MEGF6: variants seen among roughly 807,000 people sequenced by gnomAD.
The protein encoded by MEGF6 is multiple EGF like domains 6, also known as multiple epidermal growth factor-like domains protein 6.
In MEGF6, 184 loss-of-function variants were observed where a neutral mutation model predicts 207.1. The observed-to-expected ratio is 0.89, with a 90% CI of 0.79 to 1.00. MEGF6 has a LOEUF of 1.00. Ranked by LOEUF, MEGF6 falls within the 50% of genes least tolerant of loss-of-function variation. The pLI is 0.00. For synonymous variants in MEGF6, 1,038 were observed against 910.0 expected, an observed-to-expected ratio of 1.14 and a Z score of -2.53; for missense variants, 2,282 against 2,202.9, an observed-to-expected ratio of 1.04 and a Z score of -0.72.
intron 26 of MEGF6, among the ~76,000 whole-genome samples, chr1:3,497,852 C>T (rs1301266741): frequency 6.6e-6 from 1 of 152,218 alleles, no homozygotes; most frequent in Non-Finnish European, 1.5e-5. Flanking sequence ...GACGGCGCCT[C>T]TGCTGGAAGG....
intron 1 of MEGF6, among the ~76,000 whole-genome samples, chr1:3,609,385 C>T (rs943659834): frequency 1.3e-5 from 2 of 152,224 alleles, no homozygotes; most frequent in Non-Finnish European, 1.5e-5. Flanking sequence ...CGTCCAGGCA[C>T]GTGCCAGGTG....
At chr1:3,612,825 G>C (rs10909987), upstream of MEGF6, among the ~76,000 whole-genome samples, 83,816 of 152,050 alleles carry the variant, frequency 0.55, 25,463 homozygotes, top group Non-Finnish European at 0.68. Flanking sequence ...CAGGCTGTCT[G>C]TGCCTCCACA....
In MEGF6 at chr1:3,494,412, C is replaced by G; in HGVS notation, c.4088G>C (p.Cys1363Ser). Residue 1363 changes from cysteine to serine, a missense_variant, in exon 32 of 37, where the codon TGC becomes TCC. By Grantham distance (112) the Cys-to-Ser change is moderately radical. Coordinates refer to ENST00000356575, the MANE Select transcript of MEGF6 (RefSeq NM_001409.4). ...NSTCEPATGT[C>S]RCGPGFYGQA... ...GCCATAGAAGCCGGGGCCGCAGCGG[C>G]AGGTGCCCGTGGCAGGCTCACACGT... is the stretch of plus-strand genomic sequence containing the variant. 1 of 1,547,536 alleles carries G rather than the reference C, an allele frequency of 6.5e-7. No homozygotes were observed. Among genetic ancestry groups the G allele is most frequent in the Non-Finnish European group, 8.7e-7 (1 of 1,151,348 alleles).
At chr1:3,595,492 G>C (rs961065762) in intron 2 of MEGF6, 45 bp from the exon 3 acceptor site, 1 of 1,506,000 alleles carries the variant, frequency 6.6e-7, no homozygotes, top group African/African-American at 1.4e-5. Context: ...CGCGGGACTG[G>C]CTGTATTCGG....
At chr1:3,548,836 G>A (rs532079272) in intron 4 of MEGF6, among the ~76,000 whole-genome samples, 23 of 152,288 alleles carry the variant, frequency 1.5e-4, no homozygotes, top group African/African-American at 4.8e-4. Context: ...TAGGCTCCAC[G>A]GGGAAAGGAG....
At chr1:3,563,430 G>A (rs373565252) in intron 4 of MEGF6, among the ~76,000 whole-genome samples, 47 of 152,276 alleles carry the variant, frequency 3.1e-4, no homozygotes, top group African/African-American at 1.0e-3. Context: ...CCGTCCCCTC[G>A]TCGTAGCTGG....
intron 13 of MEGF6, among the ~76,000 whole-genome samples, 176 bp downstream of exon 13, chr1:3,508,382 A>C (rs1279193715): frequency 1.3e-5 from 2 of 152,188 alleles, no homozygotes; most frequent in Non-Finnish European, 2.9e-5. Flanking sequence ...TAGAGTGGAC[A>C]GTCAGGGGAT....
In MEGF6 at chr1:3,573,207, C is replaced by A. The variant is rs114941849; in HGVS notation, c.481+6618G>T. Among the ~76,000 whole-genome samples the A allele has an allele frequency of 4.9e-3, 705 of 143,736 alleles. 10 individuals carry two copies. Among genetic ancestry groups the A allele is most frequent in the African/African-American group, 0.017 (655 of 38,590 alleles). 94.3% of individuals were successfully genotyped at this position (143,736 alleles called of 152,430 possible). ...ATGCTGGGTCCTCCTGCGTGTGCTG[C>A]GTCCTTCCTGTGTGTGCTGGGTTCC... is the stretch of plus-strand genomic sequence containing the variant. On this transcript the variant is annotated intron_variant, in intron 4 of 36. Coordinates refer to ENST00000356575, the MANE Select transcript of MEGF6 (RefSeq NM_001409.4). The surrounding 1 kb of genome is among the most constrained non-coding windows in gnomAD (Gnocchi z 5.1).
intron 3 of MEGF6, among the ~76,000 whole-genome samples, chr1:3,582,933 GC>G (rs374016157): frequency 2.9e-4 from 44 of 152,204 alleles, no homozygotes; most frequent in African/African-American, 1.0e-3. Flanking sequence ...CCTGAGAGCA[GC>G]CCCCAACTCC....
chr1:3,514,411 C>G (rs946779774), intron 7 of MEGF6, 139 bp downstream of exon 7: 1 of 1,128,592 alleles, frequency 8.9e-7, no homozygotes, highest in Non-Finnish European at 1.2e-6. Flanking sequence ...CGCCACATCC[C>G]AGGTCACCCA....
chr1:3,504,261 G>A (rs1053882061), intron 17 of MEGF6, among the ~76,000 whole-genome samples: 3 of 152,168 alleles, frequency 2.0e-5, no homozygotes, highest in Non-Finnish European at 4.4e-5. Flanking sequence ...CGTGGACAGC[G>A]TGCGCCATGC....
At chr1:3,566,434 C>A (rs1557781076) in intron 4 of MEGF6, among the ~76,000 whole-genome samples, 2 of 152,206 alleles carry the variant, frequency 1.3e-5, no homozygotes. Flanking sequence ...GCAGGGTGGG[C>A]ACAGGACGCC....
Position 3,560,896 on chromosome 1 carries a change from C to T in MEGF6, c.481+18929G>A, listed in dbSNP as rs1643181508. The T allele has an allele frequency of 4.7e-6, 2 of 422,306 alleles. No homozygotes were observed. Among genetic ancestry groups the T allele is most frequent in the Admixed American group, 3.3e-5 (1 of 30,376 alleles). 26.2% of individuals were successfully genotyped at this position (422,306 alleles called of 1,614,324 possible). A position where few individuals can be genotyped will look rare whatever the true frequency, so the allele number is the denominator to read the frequency against. On this transcript the variant is annotated intron_variant, in intron 4 of 36. Transcript: ENST00000356575. This position sits in a 1 kb window ranked among gnomAD's most constrained non-coding sequence, Gnocchi z 4.0. ...CTCTACGCGAAGGGGGTGCTGGGCT[C>T]TACCCCCAGGCCTCTACTACCCTCT... is the stretch of plus-strand genomic sequence containing the variant.
At chr1:3,491,607 A>G (rs558145425) in intron 35 of MEGF6, among the ~76,000 whole-genome samples, 1 of 152,038 alleles carries the variant, frequency 6.6e-6, no homozygotes, top group South Asian at 2.1e-4. Context: ...CAAGCGGAGG[A>G]CCCCAAGTGT....
Position 3,488,403 on chromosome 1 carries a change from G to A in MEGF6, c.*2125C>T, listed in dbSNP as rs1044239897. Among the ~76,000 whole-genome samples, 6 of 152,172 alleles carry A rather than the reference G, an allele frequency of 3.9e-5. No homozygotes were observed. The highest frequency in any genetic ancestry group is 1.2e-4 in the African/African-American group (5 of 41,418). ...ACCCTCACACCATGCTGAGACTGTC[G>A]GGGGTTCCCATTGGGGAGTAATGGT... is the stretch of plus-strand genomic sequence containing the variant. On this transcript the variant is annotated 3_prime_UTR_variant, in exon 37 of 37. Transcript: ENST00000356575.
At chr1:3,539,948 A>C (rs921225578) in intron 4 of MEGF6, among the ~76,000 whole-genome samples, 1 of 152,136 alleles carries the variant, frequency 6.6e-6, no homozygotes, top group Admixed American at 6.5e-5. Context: ...CCGGGGTCGC[A>C]CCTGTCCAGC....
At chr1:3,602,357 G>A in intron 2 of MEGF6, 109 bp downstream of exon 2, 5 of 1,488,422 alleles carry the variant, frequency 3.4e-6, no homozygotes, top group Non-Finnish European at 3.6e-6. Context: ...GTTGCGTGTG[G>A]CCCTGAGACC....
At chr1:3,569,104 C>T (rs569863873) in intron 4 of MEGF6, among the ~76,000 whole-genome samples, 238 of 152,294 alleles carry the variant, frequency 1.6e-3, no homozygotes, top group East Asian at 4.2e-3. Context: ...CTCCTGCAGC[C>T]GACTCCATCC....
chr1:3,554,875 C>G (rs1557773102), intron 4 of MEGF6, among the ~76,000 whole-genome samples: 1 of 152,228 alleles, frequency 6.6e-6, no homozygotes, highest in Non-Finnish European at 1.5e-5. Context: ...AGGCTGTGGA[C>G]ATCGCGGGGC....
Sources: gnomAD v4.1 joint callset for allele counts (sites outside exome capture counted in the v4.1 genomes callset) on GRCh38, gnomAD v4.1.1 for gene constraint, Gnocchi (gnomAD v3.1) non-coding constraint, MANE v1.5 for transcripts, NCBI Gene and HGNC (gene_info 2026-07-23, HGNC 2026-07-21) for gene names.